Variants in STK32C observed in about 807,000 individuals in gnomAD.
The protein encoded by STK32C is serine/threonine kinase 32C.
A neutral mutation model predicts 56.5 loss-of-function variants in STK32C; 31 were observed. The observed-to-expected ratio is 0.55, with a 90% CI of 0.41 to 0.74. The LOEUF is 0.74. STK32C is among the 30% of genes least tolerant of loss of function. STK32C has a pLI of 0.00. For synonymous variants in STK32C, 309 were observed against 289.4 expected, an observed-to-expected ratio of 1.07 and a Z score of -0.69; for missense variants, 544 against 676.9, an observed-to-expected ratio of 0.80 and a Z score of 2.18.
At chr10:132,262,719 A>ACTCCGGC (rs1401629346) in intron 1 of STK32C, among the ~76,000 whole-genome samples, 1 of 143,468 alleles carries the variant, frequency 7.0e-6, no homozygotes, top group Non-Finnish European at 1.5e-5. Flanking sequence ...ACACCACTGT[A>ACTCCGGC]CTCCGGCCTG....
intron 2 of STK32C, among the ~76,000 whole-genome samples, chr10:132,244,900 C>T (rs2063631426): frequency 6.6e-6 from 1 of 152,204 alleles, no homozygotes; most frequent in African/African-American, 2.4e-5. Flanking sequence ...ACCAGCCTCA[C>T]CAGCAACAAA....
At chr10:132,229,369 C>T (rs2063013276) in intron 2 of STK32C, among the ~76,000 whole-genome samples, 1 of 152,184 alleles carries the variant, frequency 6.6e-6, no homozygotes, top group Admixed American at 6.5e-5. Flanking sequence ...TGGTGGCACA[C>T]ACCCGTAGTC....
At chr10:132,257,188 A>G (rs2064152807) in intron 1 of STK32C, among the ~76,000 whole-genome samples, 1 of 152,122 alleles carries the variant, frequency 6.6e-6, no homozygotes. Flanking sequence ...ATGCCCTGAA[A>G]GACCCCAGAG....
rs984944176 is a variant in STK32C, at chr10:132,247,454, A to G, written c.263-1499T>C. Among the ~76,000 whole-genome samples, 3 of 152,120 alleles carry G rather than the reference A, an allele frequency of 2.0e-5. No homozygotes were observed. The East Asian group carries it at 5.8e-4, about 29-fold the overall frequency. ...CTGAGCTACGGGTGCCGTGACAAGG[A>G]CCCACGGAGGCTTCAGGGCTCCGAG... On this transcript the variant is annotated intron_variant, in intron 1 of 11. Transcript: ENST00000298630.
chr10:132,320,169 A>G (rs991255422), downstream of STK32C, among the ~76,000 whole-genome samples: 5 of 151,868 alleles, frequency 3.3e-5, no homozygotes, highest in African/African-American at 4.8e-5. Context: ...ACATCCCACA[A>G]TCCAGGCTGG....
chr10:132,302,227 G>A (rs2065930545), intron 1 of STK32C, among the ~76,000 whole-genome samples: 1 of 152,204 alleles, frequency 6.6e-6, no homozygotes, highest in African/African-American at 2.4e-5. Context: ...CACCTCCAAG[G>A]CATCCTCGCA....
At chr10:132,239,321 C>T (rs547618213) in intron 2 of STK32C, among the ~76,000 whole-genome samples, 5 of 152,148 alleles carry the variant, frequency 3.3e-5, no homozygotes, top group African/African-American at 9.7e-5. Context: ...TCTCTGGACC[C>T]GGCACCAGCA....
At chr10:132,223,557 C>T (rs995639821) in intron 8 of STK32C, among the ~76,000 whole-genome samples, 1 of 152,262 alleles carries the variant, frequency 6.6e-6, no homozygotes, top group Non-Finnish European at 1.5e-5. Flanking sequence ...CCTCTCTAGC[C>T]CAGTGCCACC....
intron 1 of STK32C, among the ~76,000 whole-genome samples, chr10:132,264,404 C>T (rs1301870617): frequency 6.6e-6 from 1 of 152,154 alleles, no homozygotes; most frequent in Non-Finnish European, 1.5e-5. Context: ...CGCAGGGACC[C>T]CTCGAGCTGG....
intron 1 of STK32C, among the ~76,000 whole-genome samples, chr10:132,298,742 G>C (rs537272373): frequency 3.9e-5 from 6 of 152,044 alleles, no homozygotes; most frequent in African/African-American, 1.4e-4. Context: ...GCAGTGTGTG[G>C]GGAAGCTCCC....
At chr10:132,254,981 C>T (rs1365135611) in intron 1 of STK32C, among the ~76,000 whole-genome samples, 1 of 152,120 alleles carries the variant, frequency 6.6e-6, no homozygotes, top group Non-Finnish European at 1.5e-5. Flanking sequence ...ACAGCCCACC[C>T]CACCCACTCA....
At chr10:132,280,423 A>G (rs1163932996) in intron 1 of STK32C, among the ~76,000 whole-genome samples, 7 of 103,252 alleles carry the variant, frequency 6.8e-5, no homozygotes, top group African/African-American at 1.6e-4. Context: ...CCCTGATCAC[A>G]CCACTGCACT....
At chr10:132,217,783 A>G (rs1350690440) in intron 10 of STK32C, among the ~76,000 whole-genome samples, 2 of 152,190 alleles carry the variant, frequency 1.3e-5, no homozygotes, top group African/African-American at 4.8e-5. Flanking sequence ...CATCCATGTA[A>G]GATGTGACTT....
intron 1 of STK32C, among the ~76,000 whole-genome samples, chr10:132,280,619 C>CACT (rs1349393807): frequency 5.4e-5 from 8 of 149,382 alleles, no homozygotes. Context: ...GTGACCACGC[C>CACT]CCTGCACTCC....
intron 1 of STK32C, among the ~76,000 whole-genome samples, chr10:132,318,068 G>A (rs575587364): frequency 6.6e-6 from 1 of 151,436 alleles, no homozygotes; most frequent in Admixed American, 6.6e-5. Flanking sequence ...AGGAGTTCCA[G>A]ACCAGCCTGG....
At chr10:132,317,967 C>CAAA (rs1223040750) in intron 1 of STK32C, among the ~76,000 whole-genome samples, 4 of 55,576 alleles carry the variant, frequency 7.2e-5, no homozygotes, top group African/African-American at 1.2e-4. Flanking sequence ...GACTCTGTCT[C>CAAA]AAAAAAAAAA....
At chr10:132,237,191 ACTGTGCTCCCTGGACTGTGCTCC>A (rs1375793659) in intron 2 of STK32C, among the ~76,000 whole-genome samples, 2 of 151,678 alleles carry the variant, frequency 1.3e-5, no homozygotes, top group Admixed American at 1.3e-4. Context: ...TGCTCCCTGG[ACTGTGCTCCCTGGACTGTGCTCC>A]CTGGGCTCAC....
At chr10:132,271,272 C>A (rs2064811795) in intron 1 of STK32C, among the ~76,000 whole-genome samples, 1 of 152,262 alleles carries the variant, frequency 6.6e-6, no homozygotes, top group Middle Eastern at 3.4e-3. Context: ...GGCCCATACA[C>A]CCCATCTGTA....
At chr10:132,237,743 T>C (rs11819098) in intron 2 of STK32C, among the ~76,000 whole-genome samples, 29,069 of 152,048 alleles carry the variant, frequency 0.19, 2,981 homozygotes, top group East Asian at 0.33. Flanking sequence ...TGGCCCGGTG[T>C]GGCTTCACCC....
Sources: allele counts gnomAD v4.1 joint callset (sites outside exome capture counted in the v4.1 genomes callset), GRCh38; gene constraint gnomAD v4.1.1; transcripts MANE v1.5; gene names NCBI Gene and HGNC (gene_info 2026-07-23, HGNC 2026-07-21).